The following CSTPP1 variants were observed in gnomAD, a reference collection of about 807,000 sequenced individuals.
CSTPP1 encodes the protein UPF0705 protein C11orf49.
the CSTPP1 span, among the ~76,000 whole-genome samples, chr11:46,977,247 AG>A: frequency 1.9e-4 from 29 of 152,342 alleles, no homozygotes; most frequent in African/African-American, 6.5e-4. Context: ...TCAACAAAAC[AG>A]CAGCCAGCAC....
the CSTPP1 span, among the ~76,000 whole-genome samples, chr11:47,091,737 G>A: frequency 6.6e-6 from 1 of 152,160 alleles, no homozygotes; most frequent in Non-Finnish European, 1.5e-5. Context: ...ATTTGATGAC[G>A]GGAGAGGAAG....
chr11:47,155,297 G>A, the CSTPP1 span: 1 of 1,558,590 alleles, frequency 6.4e-7, no homozygotes, highest in Non-Finnish European at 8.9e-7. Context: ...CTCCGCACAG[G>A]ACCCTGTCTC....
At chr11:47,137,474 G>C in the CSTPP1 span, 1 of 1,500,954 alleles carries the variant, frequency 6.7e-7, no homozygotes, top group South Asian at 1.3e-5. Flanking sequence ...TAGAAATACT[G>C]ATCTTAAAAT....
the CSTPP1 span, among the ~76,000 whole-genome samples, chr11:47,120,786 G>C: frequency 6.6e-6 from 1 of 152,164 alleles, no homozygotes; most frequent in Non-Finnish European, 1.5e-5. The surrounding 1 kb of genome is among the most constrained non-coding windows in gnomAD (Gnocchi z 4.2). Context: ...CATTCAATGA[G>C]AGTAATGATG....
the CSTPP1 span, among the ~76,000 whole-genome samples, chr11:47,059,718 A>G: frequency 1.6e-4 from 24 of 152,350 alleles, 2 homozygotes; most frequent in African/African-American, 5.1e-4. Flanking sequence ...TTTATGTGCC[A>G]TACACTGAGC....
the CSTPP1 span, among the ~76,000 whole-genome samples, chr11:46,976,859 T>C: frequency 6.6e-6 from 1 of 152,186 alleles, no homozygotes; most frequent in Non-Finnish European, 1.5e-5. Context: ...ACGTGTGTTT[T>C]GCTTCCTGAG....
the CSTPP1 span, among the ~76,000 whole-genome samples, chr11:47,152,590 T>G: frequency 6.6e-6 from 1 of 152,222 alleles, no homozygotes; most frequent in South Asian, 2.1e-4. Context: ...GGCTCTGGAA[T>G]GGGCCTATTG....
At chr11:47,122,752 G>A in the CSTPP1 span, among the ~76,000 whole-genome samples, 1 of 152,108 alleles carries the variant, frequency 6.6e-6, no homozygotes, top group East Asian at 1.9e-4. Context: ...GCTAATTTTT[G>A]TATTTTTAGT....
At chr11:47,142,646 A>T in the CSTPP1 span, among the ~76,000 whole-genome samples, 1 of 152,118 alleles carries the variant, frequency 6.6e-6, no homozygotes, top group African/African-American at 2.4e-5. Flanking sequence ...GAGGGAGCTT[A>T]TGAGAGTGAG....
At chr11:47,130,839 A>G in the CSTPP1 span, 1 of 152,344 alleles carries the variant, frequency 6.6e-6, no homozygotes, top group African/African-American at 2.4e-5. Context: ...AGTGTCATTT[A>G]GAGTGAGCCT....
chr11:47,053,823 A>C, the CSTPP1 span, among the ~76,000 whole-genome samples: 1 of 151,946 alleles, frequency 6.6e-6, no homozygotes, highest in East Asian at 1.9e-4. Flanking sequence ...ACATACCTGT[A>C]CTCACAGCTA....
At chr11:46,940,152 C>T in the CSTPP1 span, among the ~76,000 whole-genome samples, 2 of 152,174 alleles carry the variant, frequency 1.3e-5, no homozygotes, top group African/African-American at 2.4e-5. Context: ...GGATTATAGG[C>T]GTGAGCCACT....
At chr11:47,059,890 G>A in the CSTPP1 span, among the ~76,000 whole-genome samples, 1 of 152,120 alleles carries the variant, frequency 6.6e-6, no homozygotes, top group Non-Finnish European at 1.5e-5. Context: ...GGATCCTTGA[G>A]GTCAGAAGTT....
At chr11:47,150,669 G>A in the CSTPP1 span, among the ~76,000 whole-genome samples, 1 of 151,404 alleles carries the variant, frequency 6.6e-6, no homozygotes, top group Non-Finnish European at 1.5e-5. Flanking sequence ...GGAGGGCAGG[G>A]AGCATCATGG....
chr11:47,092,720 T>G, the CSTPP1 span, among the ~76,000 whole-genome samples: 7 of 152,316 alleles, frequency 4.6e-5, no homozygotes. Context: ...ATTTCCCCAA[T>G]TGTTCCTAAA....
the CSTPP1 span, chr11:47,041,240 G>T: frequency 4.3e-6 from 1 of 232,626 alleles, no homozygotes; most frequent in Non-Finnish European, 9.2e-6. Context: ...GCTGGGTGAT[G>T]ATGATGTTGT....
the CSTPP1 span, chr11:47,052,673 T>TAA: frequency 1.1e-6 from 1 of 902,506 alleles, no homozygotes; most frequent in African/African-American, 1.7e-5. Context: ...GAATGCATGC[T>TAA]ATTCAAGGCA....
chr11:47,059,724 T>C, the CSTPP1 span, among the ~76,000 whole-genome samples: 1 of 152,326 alleles, frequency 6.6e-6, no homozygotes, highest in Middle Eastern at 3.4e-3. Context: ...TGCCATACAC[T>C]GAGCAAAATG....
At chr11:47,026,075 C>T in the CSTPP1 span, among the ~76,000 whole-genome samples, 2 of 152,110 alleles carry the variant, frequency 1.3e-5, no homozygotes, top group Non-Finnish European at 2.9e-5. Context: ...GAAAATAGTA[C>T]AGACAGGGTG....
Sources: allele counts gnomAD v4.1 joint callset (sites outside exome capture counted in the v4.1 genomes callset), GRCh38; gene constraint gnomAD v4.1.1; non-coding constraint Gnocchi (gnomAD v3.1); transcripts MANE v1.5; gene names NCBI Gene and HGNC (gene_info 2026-07-23, HGNC 2026-07-21).